SIN3A: variants seen among roughly 807,000 people sequenced by gnomAD.
SIN3A encodes the protein paired amphipathic helix protein Sin3a.
In SIN3A, 14 loss-of-function variants were observed where a neutral mutation model predicts 146.1. The ratio of observed to expected loss-of-function variants is 0.10; its 90% CI spans 0.06 to 0.15. SIN3A has a LOEUF of 0.15. Among genes scored for constraint, SIN3A ranks in the 10% least tolerant of loss-of-function variants. The pLI is 1.00. For synonymous variants in SIN3A, 572 were observed against 572.0 expected (o/e 1.00, Z 0.00); for missense variants, 1,028 against 1,576.0 (o/e 0.65, Z 5.89).
intron 1 of SIN3A, among the ~76,000 whole-genome samples, chr15:75,439,148 T>C (rs926784915): frequency 1.3e-5 from 2 of 152,032 alleles, no homozygotes; most frequent in Non-Finnish European, 2.9e-5. Flanking sequence ...GTAGTAATGA[T>C]GGAAGACATT....
At chr15:75,433,447 T>C (rs1420576471) in intron 1 of SIN3A, among the ~76,000 whole-genome samples, 7 of 152,202 alleles carry the variant, frequency 4.6e-5, no homozygotes, top group Non-Finnish European at 1.0e-4. Context: ...ATTAAGTGAT[T>C]GGGATTTCAT....
In SIN3A at chr15:75,395,972, G is replaced by A. The variant is rs1259377565; in HGVS notation, c.2093+286C>T. 2.0e-5 allele frequency among the ~76,000 whole-genome samples: 3 copies of A among 152,108 alleles called. No homozygotes were observed. The East Asian group carries it at 5.8e-4, about 29-fold the overall frequency. ...ACAACAGTTAGTCCTGAGTGTGGCA[G>A]GAACATGGGTGGTAATTATCTTCTT... On this transcript the variant is annotated intron_variant, in intron 13 of 20. Transcript: ENST00000394947.
Position 75,422,820 on chromosome 15 carries a change from A to C in SIN3A, c.193T>G (p.Ser65Ala). Reference protein sequence around the residue: ...QYSVTPSYQVSAMPQSSGSHG... With the variant: ...QYSVTPSYQVAAMPQSSGSHG... Reference sequence around the variant, plus strand: ...CTGCCGGAGCTCTGTGGCATGGCTGAAACCTGGGGTGAACAAAATACAGAC... The same window carrying C: ...CTGCCGGAGCTCTGTGGCATGGCTGCAACCTGGGGTGAACAAAATACAGAC... Residue 65 changes from serine to alanine, a missense_variant, in exon 3 of 21, where the codon TCA (serine) becomes GCA (alanine). This residue lies in a region of SIN3A where 152 missense variants were observed against 231.5 expected (regional missense o/e 0.66). Coordinates refer to ENST00000394947, the MANE Select transcript of SIN3A (RefSeq NM_001145358.2). The C allele has an allele frequency of 1.2e-6, 2 of 1,609,944 alleles. No homozygotes were observed. Among genetic ancestry groups the C allele is most frequent in the Non-Finnish European group, 1.7e-6 (2 of 1,176,518 alleles).
intron 3 of SIN3A, among the ~76,000 whole-genome samples, chr15:75,417,650 A>G (rs1488313252): frequency 6.6e-6 from 1 of 152,106 alleles, no homozygotes; most frequent in East Asian, 1.9e-4. Context: ...ATGTGCTGGG[A>G]TTACAGATGT....
At chr15:75,390,462 G>A (rs2073180003) in intron 15 of SIN3A, among the ~76,000 whole-genome samples, 1 of 152,208 alleles carries the variant, frequency 6.6e-6, no homozygotes, top group South Asian at 2.1e-4. Flanking sequence ...TCACTAGCTA[G>A]AATAAATCTC....
intron 12 of SIN3A, among the ~76,000 whole-genome samples, chr15:75,399,033 TA>T (rs540802077): frequency 0.014 from 1,835 of 130,876 alleles, 6 homozygotes; most frequent in Middle Eastern, 0.02. Context: ...ATTTAAAGTT[TA>T]AAAAAAAAAA....
At chr15:75,386,570 G>C (rs2073085367) in intron 16 of SIN3A, among the ~76,000 whole-genome samples, 1 of 152,172 alleles carries the variant, frequency 6.6e-6, no homozygotes, top group South Asian at 2.1e-4. Context: ...AGTAACACTG[G>C]GACCAGGGGT....
At chr15:75,382,933 C>CACA (rs1567319148) in intron 17 of SIN3A, among the ~76,000 whole-genome samples, 1 of 151,532 alleles carries the variant, frequency 6.6e-6, no homozygotes, top group African/African-American at 2.4e-5. Context: ...ACACACACAC[C>CACA]CACACAAGCT....
rs2072754965 is a variant in SIN3A at position 75,371,732 on chromosome 15, C to G, written c.*247G>C. 1.2e-5 allele frequency: 6 copies of G among 492,140 alleles called. No homozygotes were observed. The Admixed American group carries it at 1.8e-4, about 15-fold the overall frequency. 30.5% of individuals were successfully genotyped at this position (492,140 alleles called of 1,614,324 possible). On this transcript the variant is annotated 3_prime_UTR_variant, in exon 21 of 21. Transcript: ENST00000394947. The stretch of plus-strand genomic sequence containing the variant: ...TTGCTTGCATGGACTTCCTTCCCCT[C>G]CAGGGCAGGCTATACCCAAAACCCT...
At chr15:75,385,634 T>C (rs1162803309) in intron 16 of SIN3A, among the ~76,000 whole-genome samples, 1 of 152,242 alleles carries the variant, frequency 6.6e-6, no homozygotes, top group East Asian at 1.9e-4. Flanking sequence ...AATATTGATT[T>C]GTCTGTTTAA....
At chr15:75,447,032 G>T (rs909071078) in intron 1 of SIN3A, among the ~76,000 whole-genome samples, 1 of 152,186 alleles carries the variant, frequency 6.6e-6, no homozygotes, top group African/African-American at 2.4e-5. Flanking sequence ...CTCCCAAAGT[G>T]CTGGTATTAC....
At chr15:75,446,730 G>A (rs1321143875) in intron 1 of SIN3A, among the ~76,000 whole-genome samples, 1 of 151,812 alleles carries the variant, frequency 6.6e-6, no homozygotes, top group Non-Finnish European at 1.5e-5. Flanking sequence ...GGACTCAAAC[G>A]ATCCTCCCAC....
Position 75,381,705 on chromosome 15 carries a change from G to A in SIN3A, c.3196C>T (p.Leu1066Phe). The A allele has an allele frequency of 1.2e-6, 2 of 1,612,346 alleles. No homozygotes were observed. The highest frequency in any genetic ancestry group is 1.7e-6 in the Non-Finnish European group (2 of 1,178,792). ...QLMSDENCFKLMFIQSQGQVQ... is the reference protein window; with the variant it reads ...QLMSDENCFKFMFIQSQGQVQ... Reference sequence around the variant, plus strand: ...TGGCCTTGGCTCTGAATAAACATAAGCTGCAAATAAGAAACCTAAGCGTAA... The same window carrying A: ...TGGCCTTGGCTCTGAATAAACATAAACTGCAAATAAGAAACCTAAGCGTAA... The change falls in exon 18 of 21, where the codon CTT (leucine) becomes TTT (phenylalanine). Residue 1066 changes from leucine (L) to phenylalanine (F), a missense_variant and splice_region_variant. By Grantham distance (22) the Leu-to-Phe change is conservative. Coordinates refer to ENST00000394947, the MANE Select transcript of SIN3A (RefSeq NM_001145358.2).
At chr15:75,412,557 T>C (rs757497359) in intron 5 of SIN3A, among the ~76,000 whole-genome samples, 7 of 152,222 alleles carry the variant, frequency 4.6e-5, no homozygotes, top group Admixed American at 1.3e-4. Flanking sequence ...TGAAAGTTGT[T>C]GCTGTGTTGA....
intron 2 of SIN3A, among the ~76,000 whole-genome samples, chr15:75,423,754 A>G (rs2141545227): frequency 6.6e-6 from 1 of 152,316 alleles, no homozygotes; most frequent in South Asian, 2.1e-4. Flanking sequence ...GCACTTTGGG[A>G]GGCCCAGGCA....
At chr15:75,416,228 TAG>T (rs2073734176) in intron 3 of SIN3A, among the ~76,000 whole-genome samples, 1 of 152,236 alleles carries the variant, frequency 6.6e-6, no homozygotes, top group African/African-American at 2.4e-5. Flanking sequence ...AGGTCACTAA[TAG>T]AATGTCTTTG....
Position 75,378,339 on chromosome 15 carries a change from A to G in SIN3A, c.3383+2290T>C, listed in dbSNP as rs542812662. 9.4e-4 allele frequency among the ~76,000 whole-genome samples: 143 copies of G among 152,212 alleles called. 5 individuals carry two copies. The South Asian group carries it at 0.029, about 31-fold the overall frequency. The stretch of plus-strand genomic sequence containing the variant: ...CAGCACTTTGGGAGGCCGAGGTGGG[A>G]GGATCACCTGAGGTCAGGAGTTCAA... On this transcript the variant is annotated intron_variant, in intron 19 of 20. Coordinates refer to ENST00000394947, the MANE Select transcript of SIN3A (RefSeq NM_001145358.2).
In SIN3A at chr15:75,389,884, AG is replaced by A. The variant is rs2073165644; in HGVS notation, c.2852-64del. The A allele has an allele frequency of 3.3e-6, 5 of 1,520,764 alleles. No homozygotes were observed. The East Asian group carries it at 6.8e-5, about 21-fold the overall frequency. The allele number at this position is 1,520,764 out of a possible 1,614,324, so 94.2% of individuals were successfully genotyped here. On this transcript the variant is annotated intron_variant, in intron 15 of 20. Coordinates refer to ENST00000394947, the MANE Select transcript of SIN3A (RefSeq NM_001145358.2). ...TAAGAAAAGACTAGGGATAGAGTAC[AG>A]GGCAAATCCCACAGCTGGCCTAAAT...
intron 3 of SIN3A, among the ~76,000 whole-genome samples, chr15:75,414,963 G>A (rs1283719271): frequency 2.6e-5 from 4 of 152,188 alleles, no homozygotes; most frequent in African/African-American, 4.8e-5. Flanking sequence ...CTGTAGTGAA[G>A]AGGAAGGAAA....
Sources: gnomAD v4.1 joint callset for allele counts (sites outside exome capture counted in the v4.1 genomes callset) on GRCh38, gnomAD v4.1.1 for gene constraint, gnomAD v4.1.1 regional missense constraint, MANE v1.5 for transcripts, NCBI Gene and HGNC (gene_info 2026-07-23, HGNC 2026-07-21) for gene names.